The following BCL11A variants were observed in gnomAD, a reference collection of about 807,000 sequenced individuals.
BCL11A encodes BCL11 transcription factor A, also known as B cell CLL/lymphoma 11A.
BCL11A carries 2 observed loss-of-function variants against 55.9 expected under a neutral mutation model. That is an observed-to-expected ratio of 0.04 (90% CI 0.01 to 0.11). BCL11A has a LOEUF of 0.11. BCL11A is among the 10% of genes least tolerant of loss of function. The probability of loss-of-function intolerance (pLI) is 1.00; values close to 1 mark genes in which losing one functional copy is unlikely to be tolerated. For synonymous variants in BCL11A, 465 were observed against 473.4 expected (o/e 0.98, Z 0.23); for missense variants, 817 against 1,137.1 (o/e 0.72, Z 4.05).
chr2:60,493,668 C>T (rs1341048092), intron 2 of BCL11A, among the ~76,000 whole-genome samples: 1 of 152,158 alleles, frequency 6.6e-6, no homozygotes, highest in Non-Finnish European at 1.5e-5. Context: ...CAGAAATGGA[C>T]TTAGTTGACC....
chr2:60,515,602 G>A (rs1668694810), intron 2 of BCL11A, among the ~76,000 whole-genome samples: 1 of 152,150 alleles, frequency 6.6e-6, no homozygotes, highest in Admixed American at 6.5e-5. Context: ...ATGGCCTGGG[G>A]AGGTCCAGCC....
Position 60,461,236 on chromosome 2 carries a change from C to G in BCL11A, c.1676G>C (p.Ser559Thr), listed in dbSNP as rs1676254144. ...GMVLSSMQHF[S>T]EAFHQVLGEK... is the part of the protein sequence containing the mutation. ...GCCCAGGACCTGGTGGAAGGCCTCGCTGAAGTGCTGCATGGAGCTGAGCAC... is the reference window on the plus strand; with the variant it reads ...GCCCAGGACCTGGTGGAAGGCCTCGGTGAAGTGCTGCATGGAGCTGAGCAC... Residue 559 changes from serine to threonine, a missense_variant, in exon 4 of 4, where the codon AGC becomes ACC. Ser to Thr is a moderately conservative substitution (Grantham distance 58). Transcript: ENST00000642384. 6.2e-7 allele frequency: 1 copy of G among 1,610,182 alleles called. No individual in the cohort carries two copies. The highest frequency in any genetic ancestry group is 1.1e-5 in the South Asian group (1 of 91,074).
chr2:60,461,908 C>T lies in BCL11A; in HGVS notation c.1004G>A (p.Arg335Gln). ...NTSSPPLSPG[R>Q]PSPMQRLLQP... ...CAGTAACCTTTGCATAGGGCTGGGC[C>T]GGCCTGGGGACAGCGGTGGGCTAGA... is the stretch of plus-strand genomic sequence containing the variant. The change falls in exon 4 of 4, where the codon CGG becomes CAG. Residue 335 changes from arginine to glutamine, a missense_variant. By Grantham distance (43) the Arg-to-Gln change is conservative. Around this residue, in one of 4 missense-constraint regions of BCL11A, gnomAD observed 363 missense variants for 486.6 expected, o/e 0.75. Transcript: ENST00000642384. The T allele has an allele frequency of 6.2e-7, 1 of 1,614,106 alleles. No homozygotes were observed. The highest frequency in any genetic ancestry group is 8.5e-7 in the Non-Finnish European group (1 of 1,179,998).
Position 60,553,379 on chromosome 2 carries a change from T to A in BCL11A, c.-109A>T. ...AGAAAGAAGGAGACTCCAGAGAAAATATCTTCATCAGTGCCTTTTGACATC... is the reference window on the plus strand; with the variant it reads ...AGAAAGAAGGAGACTCCAGAGAAAAAATCTTCATCAGTGCCTTTTGACATC... On this transcript the variant is annotated 5_prime_UTR_variant, in exon 1 of 4. Transcript: ENST00000642384. The A allele has an allele frequency of 8.9e-7, 1 of 1,119,782 alleles. No individual in the cohort carries two copies. The highest frequency in any genetic ancestry group is 1.3e-6 in the Non-Finnish European group (1 of 788,576). 69.4% of individuals were successfully genotyped at this position (1,119,782 alleles called of 1,614,324 possible). A position where few individuals can be genotyped will look rare whatever the true frequency, so the allele number is the denominator to read the frequency against.
chr2:60,541,977 A>T (rs1669944692), intron 2 of BCL11A: 2 of 682,920 alleles, frequency 2.9e-6, no homozygotes, highest in Non-Finnish European at 5.3e-6. Context: ...TCATTTTCTA[A>T]ATTCTGAAAA....
intron 1 of BCL11A, among the ~76,000 whole-genome samples, chr2:60,550,201 C>G (rs1670342087): frequency 6.6e-6 from 1 of 152,162 alleles, no homozygotes. Flanking sequence ...CCAAAAATGC[C>G]GGCCCCGAAA....
chr2:60,452,488 A>G, downstream of BCL11A: 1 of 1,147,952 alleles, frequency 8.7e-7, no homozygotes, highest in South Asian at 1.2e-5. Flanking sequence ...ACTGTCAGAA[A>G]ACATCACAAA....
chr2:60,525,956 AAT>A lies in BCL11A; in HGVS notation c.385+20013_385+20014del, dbSNP rs1573058899. The A allele has an allele frequency of 1.3e-5, 2 of 152,218 alleles. 1 individual carries two copies. Among genetic ancestry groups the A allele is most frequent in the East Asian group, 3.8e-4 (2 of 5,198 alleles). 9.4% of individuals were successfully genotyped at this position (152,218 alleles called of 1,614,324 possible). A position where few individuals can be genotyped will look rare whatever the true frequency, so the allele number is the denominator to read the frequency against. ...CCTTCATTCGTGTTTGGTAATCAAA[AAT>A]AGTTTATCATAATGCTCTCAATTGG... On this transcript the variant is annotated intron_variant, in intron 2 of 3. Coordinates refer to ENST00000642384, the MANE Select transcript of BCL11A (RefSeq NM_022893.4).
Position 60,460,985 on chromosome 2 carries a change from C to A in BCL11A, c.1927G>T (p.Asp643Tyr). ...TTGGGCATCGCGGCCGGGGGCAGGT[C>A]GAACTCCTTCTCGAGCTTGATGCGC... is the stretch of plus-strand genomic sequence containing the variant. The part of the protein sequence containing the change: ...SKRIKLEKEF[D>Y]LPPAAMPNTE... The change falls in exon 4 of 4, where the codon GAC (aspartate) becomes TAC (tyrosine). Residue 643 changes from aspartate to tyrosine, a missense_variant. Around this residue, in one of 4 missense-constraint regions of BCL11A, gnomAD observed 379 missense variants for 425.3 expected, o/e 0.89. Transcript: ENST00000642384. 6.2e-7 allele frequency: 1 copy of A among 1,609,050 alleles called. No homozygotes were observed. Among genetic ancestry groups the A allele is most frequent in the South Asian group, 1.1e-5 (1 of 90,864 alleles).
intron 2 of BCL11A, among the ~76,000 whole-genome samples, chr2:60,492,575 T>C (rs898402461): frequency 6.6e-5 from 10 of 151,862 alleles, no homozygotes; most frequent in Admixed American, 1.3e-4. Flanking sequence ...CAGACCCAAA[T>C]GCTCTGCTTA....
chr2:60,510,348 G>A (rs762754203), intron 2 of BCL11A, among the ~76,000 whole-genome samples: 6 of 151,998 alleles, frequency 3.9e-5, no homozygotes, highest in East Asian at 1.9e-4. Flanking sequence ...GTAGCCAGGC[G>A]TATTACACAC....
At chr2:60,536,850 G>C (rs1669690187) in intron 2 of BCL11A, 1 of 152,296 alleles carries the variant, frequency 6.6e-6, no homozygotes. Context: ...CAGATAGGAG[G>C]GGAGGGGGAC....
In BCL11A at chr2:60,501,001, T is replaced by C. The variant is rs148128969; in HGVS notation, c.386-32168A>G. On this transcript the variant is annotated intron_variant, in intron 2 of 3. Transcript: ENST00000642384. ...TTCTGGGTCGCTGCATCCTCCTCTG[T>C]AAAATGGGAGAACCCTGAACTGCTC... Among the ~76,000 whole-genome samples the C allele has an allele frequency of 3.9e-5, 6 of 152,270 alleles. No individual in the cohort carries two copies. In the East Asian group the frequency reaches 1.2e-3, roughly 29 times the overall value.
intron 2 of BCL11A, among the ~76,000 whole-genome samples, chr2:60,497,825 A>T (rs1196565960): frequency 1.3e-5 from 2 of 152,006 alleles, no homozygotes; most frequent in Non-Finnish European, 2.9e-5. Context: ...TTTGCTGATG[A>T]TCCAGTAGAG....
At chr2:60,531,488 G>T (rs946877689) in intron 2 of BCL11A, among the ~76,000 whole-genome samples, 2 of 152,066 alleles carry the variant, frequency 1.3e-5, no homozygotes, top group Non-Finnish European at 2.9e-5. Flanking sequence ...TGAGAGCAAG[G>T]TCCCTCCAAA....
chr2:60,529,252 G>A (rs539103480), intron 2 of BCL11A, among the ~76,000 whole-genome samples: 1 of 152,290 alleles, frequency 6.6e-6, no homozygotes, highest in East Asian at 1.9e-4. Context: ...GAGCTTTTGT[G>A]ACATGTTTTA....
chr2:60,523,588 G>A (rs1205880736), intron 2 of BCL11A, among the ~76,000 whole-genome samples: 1 of 151,662 alleles, frequency 6.6e-6, no homozygotes. Flanking sequence ...ATATGTATGT[G>A]TGTATATAGA....
chr2:60,540,812 T>C (rs777056404), intron 2 of BCL11A, among the ~76,000 whole-genome samples: 1 of 152,138 alleles, frequency 6.6e-6, no homozygotes, highest in Non-Finnish European at 1.5e-5. Flanking sequence ...TTCCAGCCCA[T>C]GTGCAGCTCC....
At chr2:60,491,682 GAAAAAAGAAAAAAAA>G (rs1254397762) in intron 2 of BCL11A, among the ~76,000 whole-genome samples, 17 of 94,644 alleles carry the variant, frequency 1.8e-4, no homozygotes, top group Non-Finnish European at 2.7e-4. Context: ...ACCAAAAAAA[GAAAAAAGAAAAAAAA>G]AAAAAAGAAA....
Sources: allele counts gnomAD v4.1 joint callset (sites outside exome capture counted in the v4.1 genomes callset), GRCh38; gene constraint gnomAD v4.1.1; regional missense constraint gnomAD v4.1.1; transcripts MANE v1.5; gene names NCBI Gene and HGNC (gene_info 2026-07-23, HGNC 2026-07-21).